CA10: variants seen among roughly 807,000 people sequenced by gnomAD.
The protein encoded by CA10 is carbonic anhydrase 10 (inactive), also known as carbonic anhydrase-related protein 10.
CA10 carries 14 observed loss-of-function variants against 44.2 expected under a neutral mutation model. The observed-to-expected ratio is 0.32, with a 90% CI of 0.21 to 0.50. The LOEUF (loss-of-function observed/expected upper bound fraction) is 0.50. Among genes scored for constraint, CA10 ranks in the 20% least tolerant of loss-of-function variants. The pLI is 0.99. For synonymous variants in CA10, 159 were observed against 141.6 expected, an observed-to-expected ratio of 1.12 and a Z score of -0.87; for missense variants, 350 against 409.7, an observed-to-expected ratio of 0.85 and a Z score of 1.26.
chr17:51,849,791 G>C (rs977753364), intron 3 of CA10, among the ~76,000 whole-genome samples: 3 of 152,142 alleles, frequency 2.0e-5, no homozygotes, highest in Admixed American at 6.5e-5. Context: ...TCGGGAAATG[G>C]GCAATGAGAT....
chr17:51,843,460 G>T (rs1481084604), intron 3 of CA10, among the ~76,000 whole-genome samples: 2 of 152,114 alleles, frequency 1.3e-5, no homozygotes, highest in Admixed American at 1.3e-4. Flanking sequence ...ACAAATTTTA[G>T]ACCTCTGCTA....
intron 3 of CA10, among the ~76,000 whole-genome samples, chr17:51,864,396 C>T (rs947475521): frequency 6.6e-6 from 1 of 152,086 alleles, no homozygotes; most frequent in African/African-American, 2.4e-5. Flanking sequence ...ATTGTTTTAA[C>T]CTTATGAAAG....
chr17:51,653,144 C>T (rs1430072499), intron 5 of CA10, among the ~76,000 whole-genome samples: 3 of 152,088 alleles, frequency 2.0e-5, no homozygotes, highest in East Asian at 3.9e-4. Flanking sequence ...TATGAAGGAA[C>T]GGGAGAGCGA....
chr17:51,733,974 G>A (rs1467099467), intron 4 of CA10, among the ~76,000 whole-genome samples: 1 of 152,144 alleles, frequency 6.6e-6, no homozygotes, highest in Non-Finnish European at 1.5e-5. Flanking sequence ...AAATGACTGA[G>A]GTGTGATGGG....
chr17:52,029,476 G>C (rs1190793991), intron 2 of CA10, among the ~76,000 whole-genome samples: 2 of 152,078 alleles, frequency 1.3e-5, no homozygotes, highest in African/African-American at 4.8e-5. Flanking sequence ...TATTAATAGA[G>C]CGCAGGTCTT....
intron 2 of CA10, among the ~76,000 whole-genome samples, chr17:51,998,810 T>G (rs1262793905): frequency 6.6e-6 from 1 of 151,914 alleles, no homozygotes; most frequent in Non-Finnish European, 1.5e-5. Flanking sequence ...AATCCAGGGG[T>G]GTCAGGCAGG....
intron 2 of CA10, among the ~76,000 whole-genome samples, chr17:51,981,451 A>G (rs985572949): frequency 6.6e-6 from 1 of 152,042 alleles, no homozygotes; most frequent in Non-Finnish European, 1.5e-5. Context: ...ACTATATTAT[A>G]TGAAATTCTA....
At chr17:51,907,990 C>A (rs893187552) in intron 3 of CA10, among the ~76,000 whole-genome samples, 2 of 152,186 alleles carry the variant, frequency 1.3e-5, no homozygotes, top group African/African-American at 4.8e-5. Flanking sequence ...GAGCCTAAAA[C>A]AGTGCCTGGC....
chr17:51,959,694 A>G (rs1307595658), intron 2 of CA10, among the ~76,000 whole-genome samples: 2 of 151,592 alleles, frequency 1.3e-5, no homozygotes, highest in African/African-American at 4.8e-5. Context: ...TAGCTCTACA[A>G]AGGAATTGAA....
At chr17:52,092,552 A>G (rs1260716869) in intron 1 of CA10, among the ~76,000 whole-genome samples, 2 of 152,074 alleles carry the variant, frequency 1.3e-5, no homozygotes, top group African/African-American at 4.8e-5. Flanking sequence ...ATTCTTCCTA[A>G]TCCATGGGCT....
In CA10 at chr17:52,024,590, C is replaced by T. The variant is rs376061765; in HGVS notation, c.136+47729G>A. Reference sequence around the variant, plus strand: ...GGGAGCCAGGTGAAGGAAGTAGCAGCGTGGCATATTGTGTATTGGAAGATA... The same window carrying T: ...GGGAGCCAGGTGAAGGAAGTAGCAGTGTGGCATATTGTGTATTGGAAGATA... On this transcript the variant is annotated intron_variant, in intron 2 of 8. Coordinates refer to ENST00000451037, the MANE Select transcript of CA10 (RefSeq NM_020178.5). Among the ~76,000 whole-genome samples the T allele has an allele frequency of 9.9e-5, 15 of 152,074 alleles. No homozygotes were observed. In the East Asian group the frequency reaches 2.5e-3, roughly 26 times the overall value.
intron 3 of CA10, among the ~76,000 whole-genome samples, chr17:51,852,199 G>A (rs1978825686): frequency 6.6e-6 from 1 of 152,166 alleles, no homozygotes; most frequent in Non-Finnish European, 1.5e-5. Context: ...TCATTTGTTT[G>A]CAAGACAGTA....
chr17:51,700,569 T>C (rs965623282), intron 4 of CA10, among the ~76,000 whole-genome samples: 1 of 152,150 alleles, frequency 6.6e-6, no homozygotes, highest in Admixed American at 6.5e-5. Context: ...CACCCCCTCA[T>C]GGCCTTCCAT....
chr17:51,949,262 AC>A (rs1983396355), intron 2 of CA10, among the ~76,000 whole-genome samples: 1 of 152,216 alleles, frequency 6.6e-6, no homozygotes, highest in Non-Finnish European at 1.5e-5. Flanking sequence ...ATTCAAAGGC[AC>A]ACATGCTACT....
intron 2 of CA10, among the ~76,000 whole-genome samples, chr17:52,002,519 T>C (rs191570021): frequency 1.3e-5 from 2 of 152,106 alleles, no homozygotes; most frequent in East Asian, 3.9e-4. Context: ...AAGTCCAATG[T>C]CTAAACCAAT....
At chr17:52,104,262 A>T (rs1280449364) in intron 1 of CA10, among the ~76,000 whole-genome samples, 1 of 151,172 alleles carries the variant, frequency 6.6e-6, no homozygotes, top group Non-Finnish European at 1.5e-5. Flanking sequence ...CAGTGGCACA[A>T]TCTCTGCTCA....
chr17:51,999,406 G>T (rs1278241132), intron 2 of CA10, among the ~76,000 whole-genome samples: 1 of 152,054 alleles, frequency 6.6e-6, no homozygotes, highest in Non-Finnish European at 1.5e-5. Flanking sequence ...TTCCGAGTTA[G>T]TGTGGGCCAC....
intron 4 of CA10, among the ~76,000 whole-genome samples, chr17:51,728,062 G>C (rs1455767362): frequency 6.6e-6 from 1 of 151,918 alleles, no homozygotes; most frequent in Non-Finnish European, 1.5e-5. Flanking sequence ...ATTTTTTGTT[G>C]TTGTTGTTTG....
chr17:51,699,253 G>A (rs1378914830), intron 4 of CA10, among the ~76,000 whole-genome samples: 2 of 151,684 alleles, frequency 1.3e-5, no homozygotes, highest in East Asian at 1.9e-4. Flanking sequence ...AACCCAGGAG[G>A]TGGACCTTGC....
Sources: gnomAD v4.1 joint callset for allele counts (sites outside exome capture counted in the v4.1 genomes callset) on GRCh38, gnomAD v4.1.1 for gene constraint, MANE v1.5 for transcripts, NCBI Gene and HGNC (gene_info 2026-07-23, HGNC 2026-07-21) for gene names.